Variants in DLGAP1 observed in about 807,000 individuals in gnomAD.
The protein encoded by DLGAP1 is DLG associated protein 1.
Under a neutral mutation model 90.8 loss-of-function variants are expected in DLGAP1, and 11 were observed. The ratio of observed to expected loss-of-function variants is 0.12; its 90% CI spans 0.08 to 0.20. The LOEUF (loss-of-function observed/expected upper bound fraction) is 0.20, where lower values mean the gene tolerates loss of function less well. DLGAP1 is among the 10% of genes least tolerant of loss of function. The pLI, the probability that DLGAP1 is intolerant of heterozygous loss-of-function variation, is 1.00. For missense variants in DLGAP1, 1,050 were observed against 1,333.8 expected (o/e 0.79, Z 3.31); for synonymous variants, 558 against 540.7 (o/e 1.03, Z -0.44).
chr18:4,404,078 C>G (rs923415354), intron 1 of DLGAP1, among the ~76,000 whole-genome samples: 4 of 152,062 alleles, frequency 2.6e-5, no homozygotes, highest in Non-Finnish European at 4.4e-5. Context: ...ATGCCAGACA[C>G]CAAAGTCACA....
chr18:3,695,352 T>C (rs369775231), intron 7 of DLGAP1, among the ~76,000 whole-genome samples: 2 of 152,340 alleles, frequency 1.3e-5, no homozygotes, highest in Admixed American at 1.3e-4. Context: ...TGTTTAAGTC[T>C]TTAATCCATC....
intron 5 of DLGAP1, among the ~76,000 whole-genome samples, chr18:3,769,708 TG>T (rs2064425311): frequency 6.6e-6 from 1 of 151,944 alleles, no homozygotes; most frequent in Non-Finnish European, 1.5e-5. Context: ...GTGGTGGGGT[TG>T]GGAGGGAAGT....
intron 4 of DLGAP1, chr18:3,874,321 C>T (rs1047689569): frequency 2.0e-6 from 3 of 1,534,632 alleles, no homozygotes; most frequent in African/African-American, 2.8e-5. Flanking sequence ...CTCTCCACTT[C>T]TACCGCGGAG....
At chr18:3,834,618 A>G (rs1303440676) in intron 4 of DLGAP1, among the ~76,000 whole-genome samples, 1 of 152,208 alleles carries the variant, frequency 6.6e-6, no homozygotes, top group African/African-American at 2.4e-5. Context: ...GTACGTACAC[A>G]TATACATATT....
At chr18:3,635,331 T>A (rs1055984215) in intron 7 of DLGAP1, among the ~76,000 whole-genome samples, 56 of 148,200 alleles carry the variant, frequency 3.8e-4, no homozygotes, top group African/African-American at 1.3e-3. Context: ...AGAGACGGGG[T>A]TTCACCTTGT....
At chr18:3,834,789 C>T (rs2068274712) in intron 4 of DLGAP1, among the ~76,000 whole-genome samples, 1 of 152,118 alleles carries the variant, frequency 6.6e-6, no homozygotes. Context: ...TCACAATTAG[C>T]ATATGTAACT....
chr18:3,972,760 G>C (rs2073480588), intron 3 of DLGAP1, among the ~76,000 whole-genome samples: 1 of 152,172 alleles, frequency 6.6e-6, no homozygotes, highest in African/African-American at 2.4e-5. Flanking sequence ...ACACCTCAGG[G>C]AGGGAGGTTT....
intron 1 of DLGAP1, among the ~76,000 whole-genome samples, chr18:4,177,704 G>A (rs943091502): frequency 6.6e-6 from 1 of 152,104 alleles, no homozygotes; most frequent in African/African-American, 2.4e-5. Context: ...ACTTATAAGT[G>A]AGAACATGCA....
intron 1 of DLGAP1, among the ~76,000 whole-genome samples, chr18:4,202,072 G>A (rs1457103852): frequency 4.6e-5 from 7 of 151,840 alleles, no homozygotes; most frequent in Admixed American, 3.3e-4. Flanking sequence ...GAAATCAACC[G>A]AAGTGCCCAT....
At chr18:4,330,217 A>C (rs2080916949) in intron 1 of DLGAP1, among the ~76,000 whole-genome samples, 1 of 151,734 alleles carries the variant, frequency 6.6e-6, no homozygotes, top group Non-Finnish European at 1.5e-5. Context: ...ATACTCATAT[A>C]ATTTTCTTGA....
chr18:3,706,131 G>C (rs2061426595), intron 7 of DLGAP1, among the ~76,000 whole-genome samples: 1 of 151,596 alleles, frequency 6.6e-6, no homozygotes, highest in African/African-American at 2.4e-5. Context: ...CAAGTAACTG[G>C]GATTACAGGC....
chr18:4,166,798 A>G (rs552692649), intron 1 of DLGAP1, among the ~76,000 whole-genome samples: 1 of 152,396 alleles, frequency 6.6e-6, no homozygotes, highest in South Asian at 2.1e-4. Flanking sequence ...TAAATATTGT[A>G]TGTTTCCATT....
In DLGAP1 at chr18:4,125,318, T is replaced by TG. The variant is rs540104451; in HGVS notation, c.-159+25861dup. Among the ~76,000 whole-genome samples, 315 of 151,956 alleles carry TG rather than the reference T, an allele frequency of 2.1e-3. 1 individual carries two copies. Among genetic ancestry groups the TG allele is most frequent in the African/African-American group, 7.2e-3 (297 of 41,436 alleles). Reference sequence around the variant, plus strand: ...TCCAGCCCAGCCTAGCAGTAGGAAGTGGGGGGGCTACAGGAGGAGGCCAGA... The same window carrying TG: ...TCCAGCCCAGCCTAGCAGTAGGAAGTGGGGGGGGCTACAGGAGGAGGCCAGA... On this transcript the variant is annotated intron_variant, in intron 2 of 12. Coordinates refer to ENST00000315677, the MANE Select transcript of DLGAP1 (RefSeq NM_004746.4).
At chr18:4,288,068 T>TTTTC (rs1376573164) in intron 1 of DLGAP1, among the ~76,000 whole-genome samples, 1 of 151,262 alleles carries the variant, frequency 6.6e-6, no homozygotes, top group Non-Finnish European at 1.5e-5. Flanking sequence ...CTTGACAAAT[T>TTTTC]TTTTATTATT....
intron 4 of DLGAP1, among the ~76,000 whole-genome samples, chr18:3,860,624 C>A (rs2069990439): frequency 1.3e-5 from 2 of 152,208 alleles, no homozygotes; most frequent in South Asian, 4.1e-4. Context: ...GAACGCCTCA[C>A]TAATTTACCA....
intron 2 of DLGAP1, among the ~76,000 whole-genome samples, chr18:4,021,651 G>A (rs1032871114): frequency 2.0e-5 from 3 of 151,876 alleles, no homozygotes; most frequent in African/African-American, 7.3e-5. Flanking sequence ...AGGCTGGAGT[G>A]CAATGGCGCG....
Position 4,087,028 on chromosome 18 carries a change from G to GATATATATATAT in DLGAP1, c.-159+64140_-159+64151dup, listed in dbSNP as rs145482904. Among the ~76,000 whole-genome samples, 4 of 121,878 alleles carry GATATATATATAT rather than the reference G, an allele frequency of 3.3e-5. No individual in the cohort carries two copies. In the East Asian group the frequency reaches 5.9e-4, roughly 18 times the overall value. 80.0% of individuals were successfully genotyped at this position (121,878 alleles called of 152,430 possible). ...TAGTTCTGAAGTCTACCTTGTCTGA[G>GATATATATATAT]ATATATATATATACACAAACACATA... On this transcript the variant is annotated intron_variant, in intron 2 of 12. Transcript: ENST00000315677.
intron 2 of DLGAP1, among the ~76,000 whole-genome samples, chr18:4,041,261 T>G (rs2074969789): frequency 6.6e-6 from 1 of 152,006 alleles, no homozygotes; most frequent in Non-Finnish European, 1.5e-5. Context: ...CTTATTTATG[T>G]CATCATCATC....
chr18:3,980,964 T>C (rs954636544), intron 3 of DLGAP1, among the ~76,000 whole-genome samples: 17 of 152,256 alleles, frequency 1.1e-4, no homozygotes, highest in African/African-American at 4.1e-4. Context: ...CACCATCTTG[T>C]TCAATAGATC....
Sources: gnomAD v4.1 joint callset for allele counts (sites outside exome capture counted in the v4.1 genomes callset) on GRCh38, gnomAD v4.1.1 for gene constraint, MANE v1.5 for transcripts, NCBI Gene and HGNC (gene_info 2026-07-23, HGNC 2026-07-21) for gene names.